SPCS3: variants seen among roughly 807,000 people sequenced by gnomAD.
The protein encoded by SPCS3 is SPase 22 kDa subunit.
Under a neutral mutation model 17.2 loss-of-function variants are expected in SPCS3, and 9 were observed. The ratio of observed to expected loss-of-function variants is 0.52; its 90% CI spans 0.31 to 0.91. The LOEUF (loss-of-function observed/expected upper bound fraction) is 0.91. Among genes scored for constraint, SPCS3 ranks in the 40% least tolerant of loss-of-function variants. The pLI is 0.04. For synonymous variants in SPCS3, 87 were observed against 89.6 expected, an observed-to-expected ratio of 0.97 and a Z score of 0.16; for missense variants, 139 against 217.5, an observed-to-expected ratio of 0.64 and a Z score of 2.27.
rs1380662057 is a variant in SPCS3, at chr4:176,329,443, A to C, written c.*1113A>C. The C allele has an allele frequency of 6.6e-6, 1 of 152,146 alleles. No individual in the cohort carries two copies. Among genetic ancestry groups the C allele is most frequent in the Non-Finnish European group, 1.5e-5 (1 of 67,988 alleles). The allele number at this position is 152,146 out of a possible 1,614,324, so 9.4% of individuals were successfully genotyped here. A position where few individuals can be genotyped will look rare whatever the true frequency, so the allele number is the denominator to read the frequency against. ...TTATACCTCAGATTGCAGACTAATC[A>C]AATTTTACTTAAAACCTTCCTGATA... On this transcript the variant is annotated 3_prime_UTR_variant, in exon 5 of 5. Transcript: ENST00000503362.
At position 176,322,137 on chromosome 4, in the gene SPCS3, G is replaced by A. The variant is rs753275423; in HGVS notation, c.144-33G>A. On this transcript the variant is annotated intron_variant, in intron 1 of 4. Coordinates refer to ENST00000503362, the MANE Select transcript of SPCS3 (RefSeq NM_021928.4). ...TACGTGAATTGTGTATGTTCTGTTG[G>A]AAGGATGGTAAAACTTTTATCTTTA... 15 of 1,395,498 alleles carry A rather than the reference G, an allele frequency of 1.1e-5. No homozygotes were observed. The South Asian group carries it at 1.6e-4, about 15-fold the overall frequency. The allele number at this position is 1,395,498 out of a possible 1,614,324, so 86.4% of individuals were successfully genotyped here. A position where few individuals can be genotyped will look rare whatever the true frequency, so the allele number is the denominator to read the frequency against.
At chr4:176,320,616 C>A (rs1421829209) in intron 1 of SPCS3, 1 of 153,790 alleles carries the variant, frequency 6.5e-6, no homozygotes, top group African/African-American at 2.4e-5. Flanking sequence ...GCTCGTGGTC[C>A]GCATGCGAGG....
chr4:176,320,015 C>T lies in SPCS3; in HGVS notation c.-62C>T. 7.0e-7 allele frequency: 1 copy of T among 1,430,708 alleles called. No homozygotes were observed. Among genetic ancestry groups the T allele is most frequent in the Non-Finnish European group, 9.3e-7 (1 of 1,077,164 alleles). 88.6% of individuals were successfully genotyped at this position (1,430,708 alleles called of 1,614,324 possible). A position where few individuals can be genotyped will look rare whatever the true frequency, so the allele number is the denominator to read the frequency against. ...ACGGCGCGGATCGCAGGGAGCCGGT[C>T]CGCCGCCGGAACGGGAGCCTGGGTG... is the stretch of plus-strand genomic sequence containing the variant. On this transcript the variant is annotated 5_prime_UTR_variant, in exon 1 of 5. Coordinates refer to ENST00000503362, the MANE Select transcript of SPCS3 (RefSeq NM_021928.4).
In SPCS3 at chr4:176,320,033, C is replaced by A. The variant is rs768742105; in HGVS notation, c.-44C>A. 2.0e-6 allele frequency: 3 copies of A among 1,473,718 alleles called. No homozygotes were observed. The highest frequency in any genetic ancestry group is 9.1e-7 in the Non-Finnish European group (1 of 1,098,318). The allele number at this position is 1,473,718 out of a possible 1,614,324, so 91.3% of individuals were successfully genotyped here. On this transcript the variant is annotated 5_prime_UTR_variant, in exon 1 of 5. Coordinates refer to ENST00000503362, the MANE Select transcript of SPCS3 (RefSeq NM_021928.4). ...AGCCGGTCCGCCGCCGGAACGGGAG[C>A]CTGGGTGTGCGTGTGGAGTCCGGAC... is the stretch of plus-strand genomic sequence containing the variant.
intron 4 of SPCS3, 127 bp downstream of exon 4, chr4:176,327,404 T>C: frequency 5.6e-6 from 3 of 539,230 alleles, no homozygotes; most frequent in Admixed American, 3.6e-5. Flanking sequence ...TATTTATGCA[T>C]ATCTGAACTG....
At position 176,328,540 on chromosome 4, in the gene SPCS3, G is replaced by A; in HGVS notation, c.*210G>A. On this transcript the variant is annotated 3_prime_UTR_variant, in exon 5 of 5. Transcript: ENST00000503362. ...ATTATGAACAAAACAAAAAAACAAGGCTGCCACAGTGGAATATTATCTTAC... is the reference window on the plus strand; with the variant it reads ...ATTATGAACAAAACAAAAAAACAAGACTGCCACAGTGGAATATTATCTTAC... The A allele has an allele frequency of 3.3e-6, 1 of 299,778 alleles. No homozygotes were observed. Among genetic ancestry groups the A allele is most frequent in the Non-Finnish European group, 6.0e-6 (1 of 165,430 alleles). The allele number at this position is 299,778 out of a possible 1,614,324, so 18.6% of individuals were successfully genotyped here.
At chr4:176,326,734 G>A (rs1731612472) in intron 3 of SPCS3, among the ~76,000 whole-genome samples, 1 of 152,204 alleles carries the variant, frequency 6.6e-6, no homozygotes, top group Non-Finnish European at 1.5e-5. Context: ...ATTGGCTCTT[G>A]TCTGTTTTCC....
intron 1 of SPCS3, chr4:176,320,822 A>G (rs1391439705): frequency 1.3e-5 from 2 of 152,232 alleles, no homozygotes; most frequent in East Asian, 3.8e-4. Flanking sequence ...TTGGCCAGAG[A>G]TGTTGGGCAC....
intron 4 of SPCS3, 79 bp from the exon 5 acceptor site, chr4:176,328,119 A>G: frequency 7.8e-7 from 1 of 1,281,012 alleles, no homozygotes; most frequent in Non-Finnish European, 1.1e-6. Flanking sequence ...AAAGTATTTG[A>G]CATCTCAGTG....
intron 2 of SPCS3, 22 bp downstream of exon 2, chr4:176,322,265 C>T (rs368327373): frequency 4.6e-6 from 7 of 1,507,140 alleles, no homozygotes; most frequent in African/African-American, 4.1e-5. Flanking sequence ...GAAAATATTT[C>T]GTTGCGTTTT....
Position 176,328,349 on chromosome 4 carries a change from C to A in SPCS3, c.*19C>A. 6.5e-7 allele frequency: 1 copy of A among 1,531,414 alleles called. No individual in the cohort carries two copies. The allele number at this position is 1,531,414 out of a possible 1,614,324, so 94.9% of individuals were successfully genotyped here. ...TTATTAAATTATTCTGAATTTGAAA[C>A]AACATATTTTTATACTTAATGAATT... On this transcript the variant is annotated 3_prime_UTR_variant, in exon 5 of 5. Transcript: ENST00000503362.
At chr4:176,327,430 A>G (rs1038256113) in intron 4 of SPCS3, 153 bp downstream of exon 4, 11 of 474,970 alleles carry the variant, frequency 2.3e-5, no homozygotes, top group Non-Finnish European at 4.2e-5. Context: ...TTGGGTGGAA[A>G]TGCAAAGTGA....
Position 176,329,529 on chromosome 4 carries a change from G to A in SPCS3, c.*1199G>A, listed in dbSNP as rs1468339125. 6.6e-6 allele frequency: 1 copy of A among 152,104 alleles called. No individual in the cohort carries two copies. Among genetic ancestry groups the A allele is most frequent in the African/African-American group, 2.4e-5 (1 of 41,436 alleles). 9.4% of individuals were successfully genotyped at this position (152,104 alleles called of 1,614,324 possible). ...AAGGTTTCCCATTTTATATGGAAGT[G>A]ACTAATTTTCAAGCTGCCAACAACT... On this transcript the variant is annotated 3_prime_UTR_variant, in exon 5 of 5. Transcript: ENST00000503362.
rs4279153 is a variant in SPCS3, at chr4:176,331,976, G to T, written c.*3646G>T. 1.3e-5 allele frequency: 2 copies of T among 152,188 alleles called. No homozygotes were observed. Among genetic ancestry groups the T allele is most frequent in the Non-Finnish European group, 2.9e-5 (2 of 68,046 alleles). 9.4% of individuals were successfully genotyped at this position (152,188 alleles called of 1,614,324 possible). A position where few individuals can be genotyped will look rare whatever the true frequency, so the allele number is the denominator to read the frequency against. Reference sequence around the variant, plus strand: ...ACCAGTAAAAGTATGCATTTTAAAAGACTTTCAGATTTATGCTTTTTACGT... The same window carrying T: ...ACCAGTAAAAGTATGCATTTTAAAATACTTTCAGATTTATGCTTTTTACGT... On this transcript the variant is annotated 3_prime_UTR_variant, in exon 5 of 5. Coordinates refer to ENST00000503362, the MANE Select transcript of SPCS3 (RefSeq NM_021928.4).
At chr4:176,321,280 C>T in intron 1 of SPCS3, 1 of 151,898 alleles carries the variant, frequency 6.6e-6, no homozygotes. Flanking sequence ...GAGCTTGGTG[C>T]ATATTAAACA....
intron 3 of SPCS3, 63 bp from the exon 4 acceptor site, chr4:176,327,099 T>C: frequency 1.0e-6 from 1 of 995,954 alleles, no homozygotes; most frequent in South Asian, 1.7e-5. Context: ...CTAATACTTT[T>C]AATTTGAAGT....
chr4:176,324,931 A>C (rs1352535185), intron 3 of SPCS3, among the ~76,000 whole-genome samples: 1 of 152,150 alleles, frequency 6.6e-6, no homozygotes, highest in Admixed American at 6.6e-5. Flanking sequence ...TGGCTGAGAC[A>C]CTGTCAATGA....
chr4:176,328,269 C>T lies in SPCS3; in HGVS notation c.482C>T (p.Thr161Ile), dbSNP rs369601188. ...AATGCTGGAATTCTACCTCTTGTGA[C>T]AGGATCAGGACACGTATCTGTCCCA... ...VPNAGILPLV[T>I]GSGHVSVPFP... The change falls in exon 5 of 5, where the codon ACA becomes ATA. Residue 161 changes from threonine to isoleucine, a missense_variant. Thr to Ile is a moderately conservative substitution (Grantham distance 89). Transcript: ENST00000503362. The T allele has an allele frequency of 6.2e-7, 1 of 1,613,024 alleles. No individual in the cohort carries two copies. The highest frequency in any genetic ancestry group is 1.3e-5 in the African/African-American group (1 of 74,864).
In SPCS3 at chr4:176,332,191, C is replaced by T. The variant is rs1414567574; in HGVS notation, c.*3861C>T. The stretch of plus-strand genomic sequence containing the variant: ...TTTATCTTTGTATCTTCCCCAGCGC[C>T]TAGTGTAGTGCCTTGCACATAATAG... On this transcript the variant is annotated 3_prime_UTR_variant, in exon 5 of 5. Transcript: ENST00000503362. 3 of 152,344 alleles carry T rather than the reference C, an allele frequency of 2.0e-5. No individual in the cohort carries two copies. The highest frequency in any genetic ancestry group is 1.3e-4 in the Admixed American group (2 of 15,304). 9.4% of individuals were successfully genotyped at this position (152,344 alleles called of 1,614,324 possible). A position where few individuals can be genotyped will look rare whatever the true frequency, so the allele number is the denominator to read the frequency against.
Sources: allele counts gnomAD v4.1 joint callset (sites outside exome capture counted in the v4.1 genomes callset), GRCh38; gene constraint gnomAD v4.1.1; transcripts MANE v1.5; gene names NCBI Gene and HGNC (gene_info 2026-07-23, HGNC 2026-07-21).